Variants in MGAT4C observed in about 807,000 individuals in gnomAD.
The protein encoded by MGAT4C is alpha-1,3-mannosyl-glycoprotein 4-beta-N-acetylglucosaminyltransferase C.
Under a neutral mutation model 40.1 loss-of-function variants are expected in MGAT4C, and 19 were observed. The observed-to-expected ratio is 0.47, with a 90% CI of 0.33 to 0.70. MGAT4C has a LOEUF of 0.70. Ranked by LOEUF, MGAT4C falls within the 30% of genes least tolerant of loss-of-function variation. The probability of loss-of-function intolerance (pLI) is 0.02; values close to 1 mark genes in which losing one functional copy is unlikely to be tolerated. For missense variants in MGAT4C, 491 were observed against 563.2 expected (o/e 0.87, Z 1.30); for synonymous variants, 181 against 187.1 (o/e 0.97, Z 0.27).
intron 2 of MGAT4C, among the ~76,000 whole-genome samples, chr12:86,705,520 A>G (rs1950440856): frequency 6.6e-6 from 1 of 152,072 alleles, no homozygotes; most frequent in African/African-American, 2.4e-5. Flanking sequence ...TAAAGAAAAA[A>G]AATGGATCCC....
intron 2 of MGAT4C, among the ~76,000 whole-genome samples, chr12:86,667,938 T>A (rs1297495532): frequency 6.6e-6 from 1 of 152,232 alleles, no homozygotes; most frequent in Non-Finnish European, 1.5e-5. Flanking sequence ...TGTTTGCACA[T>A]GGATTTTCTG....
intron 1 of MGAT4C, among the ~76,000 whole-genome samples, chr12:86,234,897 G>A (rs764471636): frequency 2.6e-5 from 4 of 151,804 alleles, no homozygotes; most frequent in Non-Finnish European, 5.9e-5. Flanking sequence ...TGACACCACT[G>A]CCTCCTTCCA....
intron 1 of MGAT4C, among the ~76,000 whole-genome samples, chr12:86,209,587 T>G (rs1950381624): frequency 6.6e-6 from 1 of 151,696 alleles, no homozygotes; most frequent in African/African-American, 2.4e-5. Context: ...CTTTTCATCT[T>G]CATATTTAAT....
chr12:86,289,266 G>C (rs1265134637), intron 4 of MGAT4C, among the ~76,000 whole-genome samples: 1 of 143,320 alleles, frequency 7.0e-6, no homozygotes. Flanking sequence ...ACTAGTCTAC[G>C]TGTTTGTTTT....
At chr12:86,681,587 G>A (rs1012534013) in intron 2 of MGAT4C, among the ~76,000 whole-genome samples, 44 of 151,806 alleles carry the variant, frequency 2.9e-4, no homozygotes, top group Non-Finnish European at 1.6e-4. Flanking sequence ...GAAAAAAAAA[G>A]AATAGGAAAT....
chr12:85,993,201 T>C (rs560463501), intron 2 of MGAT4C, among the ~76,000 whole-genome samples: 1 of 152,226 alleles, frequency 6.6e-6, no homozygotes, highest in Admixed American at 6.5e-5. Flanking sequence ...AAGGATGTCG[T>C]GTTACTTTTG....
intron 2 of MGAT4C, among the ~76,000 whole-genome samples, chr12:86,548,958 TA>T (rs1959227635): frequency 6.6e-6 from 1 of 152,216 alleles, no homozygotes; most frequent in Non-Finnish European, 1.5e-5. Context: ...GCTCTACTGC[TA>T]ACTGGCTTTA....
At chr12:86,588,830 A>G (rs978384516) in intron 2 of MGAT4C, among the ~76,000 whole-genome samples, 1 of 152,058 alleles carries the variant, frequency 6.6e-6, no homozygotes, top group Non-Finnish European at 1.5e-5. Context: ...TGAAGGCAGA[A>G]ATAAAGATGT....
intron 1 of MGAT4C, among the ~76,000 whole-genome samples, chr12:86,088,537 A>G (rs1358051901): frequency 6.6e-6 from 1 of 152,072 alleles, no homozygotes; most frequent in Non-Finnish European, 1.5e-5. Context: ...AAAGCAGAAA[A>G]CAAGAAACTC....
chr12:86,694,049 C>CATA (rs1378337426), intron 2 of MGAT4C, among the ~76,000 whole-genome samples: 8 of 152,134 alleles, frequency 5.3e-5, no homozygotes, highest in Non-Finnish European at 1.0e-4. Flanking sequence ...ACACTTTTAA[C>CATA]ATGTAGCTTC....
intron 3 of MGAT4C, among the ~76,000 whole-genome samples, chr12:86,386,400 T>A (rs964812716): frequency 2.0e-5 from 3 of 152,184 alleles, no homozygotes; most frequent in Non-Finnish European, 4.4e-5. Context: ...TGCCTCTGAT[T>A]TCTATGTTCC....
intron 4 of MGAT4C, among the ~76,000 whole-genome samples, chr12:86,276,365 C>T (rs6538027): frequency 0.89 from 135,364 of 152,188 alleles, 60,400 homozygotes; most frequent in East Asian, 1. Context: ...TAATAATCAC[C>T]GCAAGGTAAA....
At chr12:86,546,139 T>C (rs146436871) in intron 2 of MGAT4C, among the ~76,000 whole-genome samples, 1 of 152,056 alleles carries the variant, frequency 6.6e-6, no homozygotes, top group African/African-American at 2.4e-5. Flanking sequence ...TGTATAAATC[T>C]GTATAACTGA....
intron 1 of MGAT4C, among the ~76,000 whole-genome samples, chr12:86,066,541 A>T (rs1189517241): frequency 6.6e-6 from 1 of 152,154 alleles, no homozygotes; most frequent in Non-Finnish European, 1.5e-5. Flanking sequence ...CCTTCCTTAC[A>T]CCTTATACAA....
rs578220427 is a variant in MGAT4C, at chr12:85,978,408, A to G, written c.*881T>C. ...CCAAAAAGGTATATGATAAATCACAATAATTTCAATCACATGGATTTTAAT... is the reference window on the plus strand; with the variant it reads ...CCAAAAAGGTATATGATAAATCACAGTAATTTCAATCACATGGATTTTAAT... On this transcript the variant is annotated 3_prime_UTR_variant, in exon 5 of 5. Coordinates refer to ENST00000611864, the MANE Select transcript of MGAT4C (RefSeq NM_001351288.2). 2.8e-4 allele frequency: 43 copies of G among 152,082 alleles called. No individual in the cohort carries two copies. Among genetic ancestry groups the G allele is most frequent in the African/African-American group, 1.0e-3 (43 of 41,540 alleles). 9.4% of individuals were successfully genotyped at this position (152,082 alleles called of 1,614,324 possible). A position where few individuals can be genotyped will look rare whatever the true frequency, so the allele number is the denominator to read the frequency against.
At chr12:85,983,225 GT>G (rs1399469711) in intron 4 of MGAT4C, among the ~76,000 whole-genome samples, 1 of 152,156 alleles carries the variant, frequency 6.6e-6, no homozygotes, top group Non-Finnish European at 1.5e-5. Flanking sequence ...ATTTTTAAAA[GT>G]TAACTTCTAA....
At chr12:85,984,718 TTCTC>T (rs903236910) in intron 3 of MGAT4C, among the ~76,000 whole-genome samples, 24 of 151,864 alleles carry the variant, frequency 1.6e-4, no homozygotes, top group African/African-American at 2.9e-4. Context: ...AAAGAAATAT[TTCTC>T]TCTCTCTCTC....
intron 4 of MGAT4C, among the ~76,000 whole-genome samples, chr12:86,314,770 G>A (rs929761328): frequency 1.3e-5 from 2 of 152,090 alleles, no homozygotes; most frequent in African/African-American, 4.8e-5. Context: ...ATTAAAATAC[G>A]TAAGAATACA....
chr12:86,608,501 C>T (rs1221026978), intron 2 of MGAT4C, among the ~76,000 whole-genome samples: 1 of 151,930 alleles, frequency 6.6e-6, no homozygotes, highest in East Asian at 1.9e-4. Context: ...TTGCTTGAGC[C>T]CAGGAGTTTA....
Sources: allele counts gnomAD v4.1 joint callset (sites outside exome capture counted in the v4.1 genomes callset), GRCh38; gene constraint gnomAD v4.1.1; transcripts MANE v1.5; gene names NCBI Gene and HGNC (gene_info 2026-07-23, HGNC 2026-07-21).